Variants in CD96 observed in about 807,000 individuals in gnomAD.
The protein encoded by CD96 is T-cell surface protein tactile.
CD96 carries 70 observed loss-of-function variants against 71.3 expected under a neutral mutation model. That is an observed-to-expected ratio of 0.98 (90% CI 0.81 to 1.20). The LOEUF (loss-of-function observed/expected upper bound fraction) is 1.20. CD96 is among the 50% of genes most tolerant of loss of function. The probability of loss-of-function intolerance (pLI) is 0.00; values close to 1 mark genes in which losing one functional copy is unlikely to be tolerated. For synonymous variants in CD96, 248 were observed against 233.0 expected, an observed-to-expected ratio of 1.06 and a Z score of -0.59; for missense variants, 742 against 677.5, an observed-to-expected ratio of 1.10 and a Z score of -1.06.
chr3:111,586,393 A>G (rs1936714930), intron 5 of CD96, among the ~76,000 whole-genome samples: 1 of 152,236 alleles, frequency 6.6e-6, no homozygotes, highest in African/African-American at 2.4e-5. Context: ...TTGCATACAA[A>G]TCATAGCTTA....
intron 14 of CD96, among the ~76,000 whole-genome samples, chr3:111,664,311 G>A (rs1185706552): frequency 6.6e-6 from 1 of 152,116 alleles, no homozygotes; most frequent in Non-Finnish European, 1.5e-5. Context: ...TATACACTGT[G>A]GAATACTATG....
At chr3:111,581,655 T>C (rs1440759052) in intron 4 of CD96, among the ~76,000 whole-genome samples, 1 of 152,224 alleles carries the variant, frequency 6.6e-6, no homozygotes, top group Non-Finnish European at 1.5e-5. Context: ...GTTCCACTCC[T>C]AAATTCCAAA....
At chr3:111,591,303 G>A (rs1045366334) in intron 5 of CD96, among the ~76,000 whole-genome samples, 3 of 151,128 alleles carry the variant, frequency 2.0e-5, no homozygotes, top group Admixed American at 1.3e-4. Flanking sequence ...AACCCAGGAG[G>A]CGGAGGTTGC....
intron 5 of CD96, among the ~76,000 whole-genome samples, chr3:111,585,686 G>A (rs1936681252): frequency 6.6e-6 from 1 of 152,148 alleles, no homozygotes; most frequent in Admixed American, 6.5e-5. Flanking sequence ...GACAAAGTAG[G>A]GCAGAAAGCA....
chr3:111,608,242 C>G (rs1328887846), intron 8 of CD96, among the ~76,000 whole-genome samples: 2 of 148,068 alleles, frequency 1.4e-5, no homozygotes, highest in African/African-American at 4.9e-5. Flanking sequence ...AGTTGGCTTC[C>G]TCTGGACCAA....
intron 6 of CD96, among the ~76,000 whole-genome samples, chr3:111,599,875 C>T (rs180694139): frequency 6.6e-6 from 1 of 152,332 alleles, no homozygotes; most frequent in African/African-American, 2.4e-5. Context: ...TAAGTAATTA[C>T]ATCAGAATTG....
intron 7 of CD96, among the ~76,000 whole-genome samples, chr3:111,603,328 C>T (rs1937541163): frequency 2.0e-5 from 3 of 152,042 alleles, no homozygotes; most frequent in South Asian, 4.1e-4. Flanking sequence ...TCATTAGTCC[C>T]TGTTACCTCG....
At chr3:111,611,935 G>A (rs1266712608) in intron 8 of CD96, among the ~76,000 whole-genome samples, 1 of 152,152 alleles carries the variant, frequency 6.6e-6, no homozygotes, top group Non-Finnish European at 1.5e-5. Context: ...CCTTTATGCT[G>A]GACTGAAGGT....
intron 12 of CD96, among the ~76,000 whole-genome samples, chr3:111,643,704 A>T (rs978744002): frequency 6.7e-6 from 1 of 150,298 alleles, no homozygotes. Context: ...AGAGAATCAA[A>T]TCAAGAACTC....
At chr3:111,617,073 C>T (rs1938277803) in intron 8 of CD96, among the ~76,000 whole-genome samples, 1 of 152,224 alleles carries the variant, frequency 6.6e-6, no homozygotes, top group Non-Finnish European at 1.5e-5. Context: ...ACACACCAAT[C>T]CCCCACCTTG....
At chr3:111,573,148 A>G (rs1473488052) in intron 3 of CD96, among the ~76,000 whole-genome samples, 1 of 152,210 alleles carries the variant, frequency 6.6e-6, no homozygotes, top group Non-Finnish European at 1.5e-5. Context: ...ATTTTTTCCC[A>G]TCTTATGCAT....
intron 5 of CD96, chr3:111,593,704 T>C (rs1466999670): frequency 1.9e-6 from 3 of 1,614,050 alleles, no homozygotes; most frequent in Non-Finnish European, 2.5e-6. Flanking sequence ...GCCATTCCAC[T>C]GCCCTTTCCC....
intron 2 of CD96, among the ~76,000 whole-genome samples, chr3:111,561,386 C>T (rs1285077558): frequency 8.9e-4 from 128 of 144,278 alleles, no homozygotes; most frequent in African/African-American, 1.4e-3. Flanking sequence ...GATGGGTTTT[C>T]GGTGTGGATG....
intron 8 of CD96, among the ~76,000 whole-genome samples, chr3:111,608,208 C>G (rs1937721598): frequency 7.0e-6 from 1 of 143,064 alleles, no homozygotes. Flanking sequence ...ATGGTCTTCT[C>G]TATAGCTCTG....
rs565998063 is a variant in CD96 at position 111,630,359 on chromosome 3, G to A, written c.1321+5955G>A. Among the ~76,000 whole-genome samples, 180 of 152,054 alleles carry A rather than the reference G, an allele frequency of 1.2e-3. 3 individuals are homozygous for A. In the South Asian group the frequency reaches 0.029, roughly 24 times the overall value. On this transcript the variant is annotated intron_variant, in intron 10 of 13. Coordinates refer to ENST00000352690, the MANE Select transcript of CD96 (RefSeq NM_005816.5). ...TGACCCCACAGAAATACAAACAATC[G>A]TTAGAGAAAAGTATAAACACCTCTC...
intron 3 of CD96, among the ~76,000 whole-genome samples, chr3:111,571,905 G>C (rs1936002240): frequency 6.6e-6 from 1 of 152,132 alleles, no homozygotes; most frequent in African/African-American, 2.4e-5. Context: ...CTAAATAAGT[G>C]GAGGGAACAA....
At chr3:111,638,195 AT>A in intron 12 of CD96, 27 bp downstream of exon 12, 1 of 1,321,730 alleles carries the variant, frequency 7.6e-7, no homozygotes, top group Non-Finnish European at 1.1e-6. Flanking sequence ...ATTTTGGGGG[AT>A]TTTATGCTTT....
intron 7 of CD96, among the ~76,000 whole-genome samples, chr3:111,604,209 G>C (rs1472280400): frequency 5.9e-5 from 9 of 152,152 alleles, no homozygotes. Flanking sequence ...CAGACCCATG[G>C]CTGCTGCTGC....
At chr3:111,620,615 C>T (rs1938472767) in intron 8 of CD96, among the ~76,000 whole-genome samples, 1 of 152,156 alleles carries the variant, frequency 6.6e-6, no homozygotes, top group Non-Finnish European at 1.5e-5. Context: ...GAAAATTCAG[C>T]TGGAGACCAA....
Sources: allele counts gnomAD v4.1 joint callset (sites outside exome capture counted in the v4.1 genomes callset), GRCh38; gene constraint gnomAD v4.1.1; transcripts MANE v1.5; gene names NCBI Gene and HGNC (gene_info 2026-07-23, HGNC 2026-07-21).